WDSUB1: variants seen among roughly 807,000 people sequenced by gnomAD.
WDSUB1 encodes the protein WD repeat, sterile alpha motif and U-box domain containing 1, also known as WD repeat, SAM and U-box domain-containing protein 1.
WDSUB1 carries 49 observed loss-of-function variants against 53.9 expected under a neutral mutation model. That is an observed-to-expected ratio of 0.91 (90% CI 0.72 to 1.15). The LOEUF (loss-of-function observed/expected upper bound fraction) is 1.15. Ranked by LOEUF, WDSUB1 falls within the 50% of genes most tolerant of loss-of-function variation. The pLI is 0.00. For missense variants in WDSUB1, 514 were observed against 562.0 expected, an observed-to-expected ratio of 0.91 and a Z score of 0.86; for synonymous variants, 194 against 200.6, an observed-to-expected ratio of 0.97 and a Z score of 0.28.
chr2:159,271,702 C>T lies in WDSUB1; in HGVS notation c.770G>A (p.Gly257Glu), dbSNP rs140462099. The T allele has an allele frequency of 1.9e-5, 30 of 1,613,476 alleles. No individual in the cohort carries two copies. Among genetic ancestry groups the T allele is most frequent in the African/African-American group, 2.7e-5 (2 of 74,886 alleles). Reference sequence around the variant, plus strand: ...AGGAAAATTAAACCAACTAGCTTACCCTGAGACTAGCATCTGCCCATCATG... The same window carrying T: ...AGGAAAATTAAACCAACTAGCTTACTCTGAGACTAGCATCTGCCCATCATG... Reference protein sequence around the residue: ...FSHDGQMLVSGSVDKSVIVYD... With the variant: ...FSHDGQMLVSESVDKSVIVYD... The change falls in exon 5 of 11, where the codon GGG becomes GAG. Residue 257 changes from glycine (G) to glutamate (E), a missense_variant and splice_region_variant. Coordinates refer to ENST00000359774, the MANE Select transcript of WDSUB1 (RefSeq NM_001128212.3).
chr2:159,271,335 A>G (rs1484410855), intron 5 of WDSUB1, among the ~76,000 whole-genome samples: 1 of 152,254 alleles, frequency 6.6e-6, no homozygotes, highest in East Asian at 1.9e-4. Context: ...TATATATATT[A>G]TAATGTATCC....
chr2:159,239,759 G>A (rs1006951846), intron 10 of WDSUB1, among the ~76,000 whole-genome samples: 4 of 152,114 alleles, frequency 2.6e-5, no homozygotes, highest in Non-Finnish European at 5.9e-5. Flanking sequence ...CCCAGATCTG[G>A]ATTGTTTTGG....
chr2:159,237,809 G>A (rs898133195), intron 10 of WDSUB1, among the ~76,000 whole-genome samples: 3 of 152,210 alleles, frequency 2.0e-5, no homozygotes, highest in African/African-American at 4.8e-5. Context: ...AAATAGTGCC[G>A]TACCAAGGAA....
chr2:159,275,608 A>G lies in WDSUB1; in HGVS notation c.614T>C (p.Leu205Pro). The part of the protein sequence containing the change: ...DGEQGLQFFR[L>P]ASCGQDCQVK... ...TTGGCAATCCTGACCACATGATGCCAGTCGAAAAAACTGAAGACCTTGTTC... is the reference window on the plus strand; with the variant it reads ...TTGGCAATCCTGACCACATGATGCCGGTCGAAAAAACTGAAGACCTTGTTC... Residue 205 changes from leucine (L) to proline (P), a missense_variant, in exon 4 of 11, where the codon CTG (leucine) becomes CCG (proline). Coordinates refer to ENST00000359774, the MANE Select transcript of WDSUB1 (RefSeq NM_001128212.3). The G allele has an allele frequency of 6.2e-7, 1 of 1,606,034 alleles. No individual in the cohort carries two copies. The highest frequency in any genetic ancestry group is 1.1e-5 in the South Asian group (1 of 88,638).
At position 159,263,855 on chromosome 2, in the gene WDSUB1, AAT is replaced by A. The variant is rs540627621; in HGVS notation, c.771-4014_771-4013del. Among the ~76,000 whole-genome samples the A allele has an allele frequency of 6.2e-3, 949 of 152,164 alleles. 11 individuals are homozygous for A. The highest frequency in any genetic ancestry group is 0.021 in the African/African-American group (878 of 41,532). On this transcript the variant is annotated intron_variant, in intron 5 of 10. Transcript: ENST00000359774. ...ATATCTATTATTTTATGTACTATTT[AAT>A]ATATATGTATTGAGCAGTGATGTCC...
At chr2:159,268,991 C>G (rs1300206136) in intron 5 of WDSUB1, among the ~76,000 whole-genome samples, 1 of 151,924 alleles carries the variant, frequency 6.6e-6, no homozygotes, top group Non-Finnish European at 1.5e-5. Flanking sequence ...AAAAAACAAA[C>G]AAACAAACAA....
intron 9 of WDSUB1, among the ~76,000 whole-genome samples, chr2:159,255,200 G>C (rs2061036265): frequency 1.3e-5 from 2 of 152,064 alleles, no homozygotes; most frequent in South Asian, 4.1e-4. Flanking sequence ...AGGCACGGTG[G>C]CTCAGGTCTG....
At chr2:159,247,162 T>C (rs772223464) in intron 10 of WDSUB1, among the ~76,000 whole-genome samples, 21 of 152,212 alleles carry the variant, frequency 1.4e-4, no homozygotes, top group Non-Finnish European at 3.1e-4. Context: ...GCAAATTTCA[T>C]AGCCTGAAAT....
chr2:159,236,071 T>C lies in WDSUB1; in HGVS notation c.1393A>G (p.Met465Val), dbSNP rs1484394020. ...GTCTCCAGCCATCTATTGATGGCCA[T>C]TTTCAGAGTCCTATTTGGTGTAAGT... ...AVLTPNRTLK[M>V]AINRWLETHQ... The change falls in exon 11 of 11, where the codon ATG becomes GTG. Residue 465 changes from methionine (M) to valine (V), a missense_variant. Met to Val is a conservative substitution (Grantham distance 21). Coordinates refer to ENST00000359774, the MANE Select transcript of WDSUB1 (RefSeq NM_001128212.3). 5.0e-6 allele frequency: 8 copies of C among 1,611,652 alleles called. No individual in the cohort carries two copies. Among genetic ancestry groups the C allele is most frequent in the Non-Finnish European group, 6.8e-6 (8 of 1,179,374 alleles).
chr2:159,277,763 A>C (rs1383729134), intron 3 of WDSUB1, among the ~76,000 whole-genome samples: 1 of 152,238 alleles, frequency 6.6e-6, no homozygotes, highest in Non-Finnish European at 1.5e-5. Flanking sequence ...GTTCCCACAA[A>C]TTCCTACAAT....
chr2:159,235,882 T>A lies in WDSUB1; in HGVS notation c.*151A>T, dbSNP rs2060466849. 2 of 680,100 alleles carry A rather than the reference T, an allele frequency of 2.9e-6. No homozygotes were observed. The highest frequency in any genetic ancestry group is 4.3e-6 in the Non-Finnish European group (2 of 460,158). The allele number at this position is 680,100 out of a possible 1,614,324, so 42.1% of individuals were successfully genotyped here. On this transcript the variant is annotated 3_prime_UTR_variant, in exon 11 of 11. Coordinates refer to ENST00000359774, the MANE Select transcript of WDSUB1 (RefSeq NM_001128212.3). Reference sequence around the variant, plus strand: ...TTTTATAGTAAGTCCATGTGTTTTTTAAAGAATGAAAATTGACAATTTTTA... The same window carrying A: ...TTTTATAGTAAGTCCATGTGTTTTTAAAAGAATGAAAATTGACAATTTTTA...
chr2:159,250,171 C>T (rs2060920284), intron 9 of WDSUB1, among the ~76,000 whole-genome samples: 1 of 151,542 alleles, frequency 6.6e-6, no homozygotes, highest in Non-Finnish European at 1.5e-5. Flanking sequence ...AGTAATAAAC[C>T]GTTTGAGTCA....
chr2:159,251,178 A>C (rs1423957851), intron 9 of WDSUB1, among the ~76,000 whole-genome samples: 1 of 136,070 alleles, frequency 7.3e-6, no homozygotes, highest in African/African-American at 2.5e-5. Context: ...AGGCAGGAGA[A>C]TCTACAGAGC....
At chr2:159,286,029 G>A (rs2061788289) in intron 1 of WDSUB1, among the ~76,000 whole-genome samples, 1 of 152,030 alleles carries the variant, frequency 6.6e-6, no homozygotes, top group Non-Finnish European at 1.5e-5. Context: ...CGAGGCCACC[G>A]TCAGCTGAAC....
intron 6 of WDSUB1, among the ~76,000 whole-genome samples, 157 bp from the exon 7 acceptor site, chr2:159,258,142 C>T (rs2061110560): frequency 6.6e-6 from 1 of 152,162 alleles, no homozygotes; most frequent in Non-Finnish European, 1.5e-5. Flanking sequence ...ATAGCAGAAA[C>T]AGCATCTGTA....
At chr2:159,267,353 T>A (rs1575475735) in intron 5 of WDSUB1, among the ~76,000 whole-genome samples, 3 of 151,018 alleles carry the variant, frequency 2.0e-5, no homozygotes, top group African/African-American at 7.3e-5. Flanking sequence ...CAGGCTGGAG[T>A]GCAGTGGCAT....
chr2:159,270,441 C>CA (rs34535126), intron 5 of WDSUB1, among the ~76,000 whole-genome samples: 53,494 of 151,956 alleles, frequency 0.35, 12,400 homozygotes, highest in Non-Finnish European at 0.54. Flanking sequence ...TAGGAATAGA[C>CA]AAAATATAAA....
At chr2:159,238,543 G>T (rs577555344) in intron 10 of WDSUB1, among the ~76,000 whole-genome samples, 1 of 152,272 alleles carries the variant, frequency 6.6e-6, no homozygotes, top group Non-Finnish European at 1.5e-5. Context: ...CCACAGGGTG[G>T]TCTTATTGTC....
In WDSUB1 at chr2:159,271,754, C is replaced by A. The variant is rs758985078; in HGVS notation, c.718G>T (p.Ala240Ser). 1.2e-6 allele frequency: 2 copies of A among 1,614,036 alleles called. No individual in the cohort carries two copies. The highest frequency in any genetic ancestry group is 2.7e-5 in the African/African-American group (2 of 74,932). The change falls in exon 5 of 11, where the codon GCT (alanine) becomes TCT (serine). Residue 240 changes from alanine (A) to serine (S), a missense_variant. Physicochemically the swap from Ala to Ser is moderately conservative, Grantham distance 99. Transcript: ENST00000359774. ...GAAAAAGCACAAGCCAGAACAGGAG[C>A]ACAGTGCCCACTCAGTGTACTTTTA... ...KYKSTLSGHC[A>S]PVLACAFSHD...
Sources: allele counts gnomAD v4.1 joint callset (sites outside exome capture counted in the v4.1 genomes callset), GRCh38; gene constraint gnomAD v4.1.1; transcripts MANE v1.5; gene names NCBI Gene and HGNC (gene_info 2026-07-23, HGNC 2026-07-21).